Variants in GEMIN5 observed in about 807,000 individuals in gnomAD.
The protein encoded by GEMIN5 is gem-associated protein 5.
In GEMIN5, 124 loss-of-function variants were observed where a neutral mutation model predicts 176.9. That is an observed-to-expected ratio of 0.70 (90% confidence interval 0.61 to 0.81). The LOEUF (loss-of-function observed/expected upper bound fraction) is 0.81, where lower values mean the gene tolerates loss of function less well. Among genes scored for constraint, GEMIN5 ranks in the 40% least tolerant of loss-of-function variants. The pLI, the probability that GEMIN5 is intolerant of heterozygous loss-of-function variation, is 0.00. For missense variants in GEMIN5, 1,843 were observed against 1,814.6 expected, an observed-to-expected ratio of 1.02 and a Z score of -0.28; for synonymous variants, 673 against 665.2, an observed-to-expected ratio of 1.01 and a Z score of -0.18.
At chr5:154,904,700 G>C in intron 17 of GEMIN5, 71 bp from the exon 18 acceptor site, 1 of 1,214,614 alleles carries the variant, frequency 8.2e-7, no homozygotes, top group Non-Finnish European at 1.2e-6. Context: ...TGCCTATTGT[G>C]TGAATGTAAC....
At chr5:154,921,738 A>G (rs1401813120) in intron 9 of GEMIN5, among the ~76,000 whole-genome samples, 1 of 152,194 alleles carries the variant, frequency 6.6e-6, no homozygotes, top group Non-Finnish European at 1.5e-5. Context: ...ATCACCACCC[A>G]AATGTATTCA....
chr5:154,891,724 T>C lies in GEMIN5; in HGVS notation c.3779A>G (p.Asp1260Gly). ...AGGGGATTGATGGTCCCCCAACTTGTCTCTTAGGTGGTCACAGCCTAGGAA... is the reference window on the plus strand; with the variant it reads ...AGGGGATTGATGGTCCCCCAACTTGCCTCTTAGGTGGTCACAGCCTAGGAA... ...FLPDGCDHLR[D>G]KLGDHQSPAT... The change falls in exon 26 of 28, where the codon GAC becomes GGC. Residue 1260 changes from aspartate (D) to glycine (G), a missense_variant. By Grantham distance (94) the Asp-to-Gly change is moderately conservative. Transcript: ENST00000285873. The C allele has an allele frequency of 1.3e-6, 2 of 1,597,172 alleles. No homozygotes were observed. Among genetic ancestry groups the C allele is most frequent in the Non-Finnish European group, 1.7e-6 (2 of 1,175,254 alleles).
chr5:154,895,381 T>C (rs1248084369), intron 24 of GEMIN5, among the ~76,000 whole-genome samples: 2 of 147,270 alleles, frequency 1.4e-5, no homozygotes, highest in South Asian at 2.1e-4. Flanking sequence ...AAGGCAGACA[T>C]AGCAGTTAAA....
intron 16 of GEMIN5, among the ~76,000 whole-genome samples, chr5:154,907,166 G>C (rs1469022012): frequency 6.6e-6 from 1 of 152,100 alleles, no homozygotes; most frequent in Non-Finnish European, 1.5e-5. Flanking sequence ...TCCACGTAAG[G>C]GGGTGAGAGC....
At chr5:154,896,851 C>G (rs1763362513) in intron 23 of GEMIN5, among the ~76,000 whole-genome samples, 1 of 152,180 alleles carries the variant, frequency 6.6e-6, no homozygotes, top group East Asian at 1.9e-4. Context: ...GAGAAGAAAA[C>G]AGAAGCACAG....
At chr5:154,900,433 A>T (rs995285333) in intron 21 of GEMIN5, among the ~76,000 whole-genome samples, 1 of 152,228 alleles carries the variant, frequency 6.6e-6, no homozygotes, top group Non-Finnish European at 1.5e-5. Context: ...CCATAAAACT[A>T]AAAAACTGGA....
At chr5:154,918,409 T>A (rs894711298) in intron 11 of GEMIN5, among the ~76,000 whole-genome samples, 1 of 152,208 alleles carries the variant, frequency 6.6e-6, no homozygotes, top group Non-Finnish European at 1.5e-5. Context: ...CATATCTATA[T>A]GCTGGTATTC....
intron 11 of GEMIN5, among the ~76,000 whole-genome samples, chr5:154,919,289 G>T (rs1039301261): frequency 6.6e-6 from 1 of 151,368 alleles, no homozygotes; most frequent in Non-Finnish European, 1.5e-5. Flanking sequence ...CCAAGATCAC[G>T]CCACTGCACT....
chr5:154,888,123 A>G lies in GEMIN5; in HGVS notation c.*87T>C. Reference sequence around the variant, plus strand: ...ATTACTGCAAAAACATCTAGGGACCAGAGTGAATGTCTGGTGAGGCATAAC... The same window carrying G: ...ATTACTGCAAAAACATCTAGGGACCGGAGTGAATGTCTGGTGAGGCATAAC... On this transcript the variant is annotated 3_prime_UTR_variant, in exon 28 of 28. Transcript: ENST00000285873. The G allele has an allele frequency of 8.1e-7, 1 of 1,230,280 alleles. No individual in the cohort carries two copies. The highest frequency in any genetic ancestry group is 1.2e-5 in the South Asian group (1 of 81,484). The allele number at this position is 1,230,280 out of a possible 1,614,324, so 76.2% of individuals were successfully genotyped here. A position where few individuals can be genotyped will look rare whatever the true frequency, so the allele number is the denominator to read the frequency against.
chr5:154,907,177 T>C (rs1446476335), intron 16 of GEMIN5, among the ~76,000 whole-genome samples: 1 of 152,198 alleles, frequency 6.6e-6, no homozygotes, highest in African/African-American at 2.4e-5. Flanking sequence ...GGGTGAGAGC[T>C]TGCAAGTTCC....
At chr5:154,889,025 T>C (rs544324730) in intron 27 of GEMIN5, among the ~76,000 whole-genome samples, 64 of 152,104 alleles carry the variant, frequency 4.2e-4, no homozygotes, top group African/African-American at 1.5e-3. Context: ...TACAGGCACC[T>C]GCCCCCACGC....
At chr5:154,923,533 T>C (rs1175721938) in intron 9 of GEMIN5, among the ~76,000 whole-genome samples, 1 of 152,242 alleles carries the variant, frequency 6.6e-6, no homozygotes, top group Non-Finnish European at 1.5e-5. Flanking sequence ...GCTGTGGTAG[T>C]ATGAAAGCAG....
At chr5:154,915,898 T>C (rs959099676) in intron 13 of GEMIN5, among the ~76,000 whole-genome samples, 6 of 123,830 alleles carry the variant, frequency 4.8e-5, no homozygotes, top group Admixed American at 4.5e-4. Context: ...ACAAAAATTA[T>C]TCATTCATGT....
Position 154,898,604 on chromosome 5 carries a change from T to C in GEMIN5, c.3181A>G (p.Lys1061Glu). ...CAYDAAKVLA[K>E]KGDAASLRTA... ...CTAAGTGATGCCGCATCCCCCTTTT[T>C]GGCCAAAACTTTGGCTGCATCATAA... The change falls in exon 23 of 28, where the codon AAA becomes GAA. Residue 1061 changes from lysine to glutamate, a missense_variant. By Grantham distance (56) the Lys-to-Glu change is moderately conservative. Coordinates refer to ENST00000285873, the MANE Select transcript of GEMIN5 (RefSeq NM_015465.5). 2.5e-6 allele frequency: 4 copies of C among 1,614,190 alleles called. No individual in the cohort carries two copies. Among genetic ancestry groups the C allele is most frequent in the East Asian group, 2.2e-5 (1 of 44,884 alleles).
At chr5:154,917,251 C>T (rs1249660193) in intron 12 of GEMIN5, 72 bp from the exon 13 acceptor site, 4 of 777,412 alleles carry the variant, frequency 5.1e-6, no homozygotes, top group Non-Finnish European at 7.8e-6. Flanking sequence ...AATAGTAGCT[C>T]CCTCATTCCG....
At chr5:154,907,283 C>A (rs1763586643) in intron 16 of GEMIN5, among the ~76,000 whole-genome samples, 1 of 152,138 alleles carries the variant, frequency 6.6e-6, no homozygotes, top group Non-Finnish European at 1.5e-5. Flanking sequence ...AAACTTTTCC[C>A]ATGTAAGTTC....
At chr5:154,912,557 GA>G (rs1763723760) in intron 14 of GEMIN5, among the ~76,000 whole-genome samples, 1 of 152,142 alleles carries the variant, frequency 6.6e-6, no homozygotes, top group Non-Finnish European at 1.5e-5. Context: ...ATTGTTTTGT[GA>G]TTTTTAGCCA....
chr5:154,888,901 A>G (rs1341356292), intron 27 of GEMIN5, among the ~76,000 whole-genome samples: 1 of 149,070 alleles, frequency 6.7e-6, no homozygotes, highest in Non-Finnish European at 1.5e-5. Flanking sequence ...TCTGTTGCCC[A>G]GGCTGGAGTG....
At chr5:154,914,528 T>A (rs74428468) in intron 13 of GEMIN5, among the ~76,000 whole-genome samples, 3 of 107,178 alleles carry the variant, frequency 2.8e-5, no homozygotes, top group Admixed American at 9.4e-5. Flanking sequence ...TTTTTTTTTT[T>A]AAAGAGACTA....
Sources: allele counts gnomAD v4.1 joint callset (sites outside exome capture counted in the v4.1 genomes callset), GRCh38; gene constraint gnomAD v4.1.1; transcripts MANE v1.5; gene names NCBI Gene and HGNC (gene_info 2026-07-23, HGNC 2026-07-21).